SPOCK3: variants seen among roughly 807,000 people sequenced by gnomAD.
SPOCK3 encodes SPARC (osteonectin), cwcv and kazal like domains proteoglycan 3.
Under a neutral mutation model 56.6 loss-of-function variants are expected in SPOCK3, and 30 were observed. That is an observed-to-expected ratio of 0.53 (90% CI 0.40 to 0.72). SPOCK3 has a LOEUF of 0.72. SPOCK3 is among the 30% of genes least tolerant of loss of function. The pLI, the probability that SPOCK3 is intolerant of heterozygous loss-of-function variation, is 0.00. For synonymous variants in SPOCK3, 196 were observed against 183.3 expected, an observed-to-expected ratio of 1.07 and a Z score of -0.56; for missense variants, 527 against 530.0, an observed-to-expected ratio of 0.99 and a Z score of 0.06.
chr4:166,928,609 T>C (rs1391002822), intron 4 of SPOCK3, among the ~76,000 whole-genome samples: 3 of 152,200 alleles, frequency 2.0e-5, no homozygotes, highest in African/African-American at 4.8e-5. Flanking sequence ...TAATGGTAGA[T>C]ACATGTCATT....
intron 6 of SPOCK3, among the ~76,000 whole-genome samples, chr4:166,844,057 G>A (rs1747792506): frequency 6.6e-6 from 1 of 152,176 alleles, no homozygotes. Context: ...AACGCAATGT[G>A]GGCCAACAGA....
intron 3 of SPOCK3, among the ~76,000 whole-genome samples, chr4:167,014,819 G>T (rs953834331): frequency 2.0e-5 from 3 of 151,956 alleles, no homozygotes; most frequent in South Asian, 4.2e-4. Context: ...TGGGCTGGCC[G>T]TTAGGATGGA....
At chr4:166,841,997 C>A (rs1221493158) in intron 6 of SPOCK3, among the ~76,000 whole-genome samples, 1 of 152,164 alleles carries the variant, frequency 6.6e-6, no homozygotes, top group Non-Finnish European at 1.5e-5. Context: ...GTCTCGCTGG[C>A]TTCAGGAGTG....
chr4:167,130,110 G>T (rs1762585690), intron 2 of SPOCK3, among the ~76,000 whole-genome samples: 1 of 151,822 alleles, frequency 6.6e-6, no homozygotes, highest in Non-Finnish European at 1.5e-5. Context: ...TCAATTCCTG[G>T]GCTCAAGCCG....
chr4:166,924,839 C>T (rs1738898889), intron 4 of SPOCK3, among the ~76,000 whole-genome samples: 1 of 152,230 alleles, frequency 6.6e-6, no homozygotes. Flanking sequence ...GCAACTTAAT[C>T]TAGTGCAACT....
chr4:166,752,138 C>A (rs546300340), intron 8 of SPOCK3, among the ~76,000 whole-genome samples: 1 of 151,936 alleles, frequency 6.6e-6, no homozygotes, highest in Non-Finnish European at 1.5e-5. Context: ...CCTTCTCCTG[C>A]CTCAGATCCC....
rs112191318 is a variant in SPOCK3 at position 166,958,220 on chromosome 4, T to A, written c.350+42129A>T. On this transcript the variant is annotated intron_variant, in intron 4 of 10. Transcript: ENST00000357545. The stretch of plus-strand genomic sequence containing the variant: ...GTATGGCTGTTTAAAAGTGTATGCA[T>A]CTTCCAGCTTTGCTCTCTTGATCCT... Among the ~76,000 whole-genome samples the A allele has an allele frequency of 4.2e-3, 633 of 152,272 alleles. 5 individuals carry two copies. The highest frequency in any genetic ancestry group is 0.014 in the African/African-American group (587 of 41,560).
chr4:167,082,452 T>C (rs910597041), intron 2 of SPOCK3, among the ~76,000 whole-genome samples: 1 of 152,052 alleles, frequency 6.6e-6, no homozygotes, highest in African/African-American at 2.4e-5. Context: ...AAAGTTGTGT[T>C]GTAATTTGTT....
chr4:167,115,647 A>G (rs1367282112), intron 2 of SPOCK3, among the ~76,000 whole-genome samples: 1 of 152,092 alleles, frequency 6.6e-6, no homozygotes, highest in Non-Finnish European at 1.5e-5. Context: ...AGCATAAGGT[A>G]AAGGGAAAAT....
At chr4:166,750,698 A>G (rs1329042798) in intron 8 of SPOCK3, among the ~76,000 whole-genome samples, 1 of 152,174 alleles carries the variant, frequency 6.6e-6, no homozygotes, top group Non-Finnish European at 1.5e-5. Flanking sequence ...TACAACAGTA[A>G]CAATGCACTT....
At chr4:166,852,805 C>T (rs1730265738) in intron 6 of SPOCK3, among the ~76,000 whole-genome samples, 1 of 152,080 alleles carries the variant, frequency 6.6e-6, no homozygotes, top group Non-Finnish European at 1.5e-5. Context: ...GAGGTATATA[C>T]AGGATATGGA....
At chr4:167,202,818 CCAGATGTCAG>C (rs895063551) in intron 2 of SPOCK3, among the ~76,000 whole-genome samples, 6 of 151,046 alleles carry the variant, frequency 4.0e-5, no homozygotes. Context: ...TAGCTCAAAA[CCAGATGTCAG>C]CAATATTAAG....
intron 2 of SPOCK3, among the ~76,000 whole-genome samples, chr4:167,076,406 G>C (rs1757188365): frequency 6.6e-6 from 1 of 151,534 alleles, no homozygotes; most frequent in Non-Finnish European, 1.5e-5. Flanking sequence ...GAGAGTATGT[G>C]GGAAAACTCT....
chr4:166,916,550 T>C (rs945474059), intron 4 of SPOCK3, among the ~76,000 whole-genome samples: 6 of 152,200 alleles, frequency 3.9e-5, no homozygotes, highest in South Asian at 2.1e-4. Flanking sequence ...AAGTTAATCA[T>C]GTTCATTTTA....
intron 7 of SPOCK3, among the ~76,000 whole-genome samples, chr4:166,782,995 T>G (rs1740338185): frequency 6.6e-6 from 1 of 152,200 alleles, no homozygotes; most frequent in Non-Finnish European, 1.5e-5. Flanking sequence ...TGGCACATAC[T>G]GTGCATAGTA....
intron 5 of SPOCK3, among the ~76,000 whole-genome samples, chr4:166,908,353 G>T (rs1736862025): frequency 7.2e-6 from 1 of 138,630 alleles, no homozygotes; most frequent in African/African-American, 2.8e-5. Flanking sequence ...TAATTTGAAG[G>T]GATGCACAGT....
In SPOCK3 at chr4:167,062,503, G is replaced by C; in HGVS notation, c.224C>G (p.Pro75Arg). ...DYFRTWSPGK[P>R]FDQALDPAKD... ...AGTTAGATTCTTACCCTGATCGAAG[G>C]GTTTTCCTGGACTCCAAGTGCGGAA... Residue 75 changes from proline (P) to arginine (R), a missense_variant, in exon 3 of 11, where the codon CCC (proline) becomes CGC (arginine). Transcript: ENST00000357545. 6.2e-7 allele frequency: 1 copy of C among 1,604,802 alleles called. No individual in the cohort carries two copies. The highest frequency in any genetic ancestry group is 8.5e-7 in the Non-Finnish European group (1 of 1,173,006).
At chr4:166,908,303 CACA>C (rs1736854284) in intron 5 of SPOCK3, among the ~76,000 whole-genome samples, 1 of 148,938 alleles carries the variant, frequency 6.7e-6, no homozygotes, top group Non-Finnish European at 1.5e-5. Flanking sequence ...CACACACACA[CACA>C]CACACCCCTA....
intron 2 of SPOCK3, among the ~76,000 whole-genome samples, chr4:167,103,717 A>G (rs1375866484): frequency 1.3e-5 from 2 of 152,182 alleles, no homozygotes; most frequent in Non-Finnish European, 2.9e-5. Flanking sequence ...ACCTGCAGAT[A>G]GTAGAGCCCT....
Sources: allele counts gnomAD v4.1 joint callset (sites outside exome capture counted in the v4.1 genomes callset), GRCh38; gene constraint gnomAD v4.1.1; transcripts MANE v1.5; gene names NCBI Gene and HGNC (gene_info 2026-07-23, HGNC 2026-07-21).